The following CLNK variants were observed in gnomAD, a reference collection of about 807,000 sequenced individuals.
CLNK encodes the protein cytokine dependent hematopoietic cell linker.
A neutral mutation model predicts 68.6 loss-of-function variants in CLNK; 74 were observed. The observed-to-expected ratio is 1.08, with a 90% CI of 0.89 to 1.31. The LOEUF (loss-of-function observed/expected upper bound fraction) is 1.31, where lower values mean the gene tolerates loss of function less well. Ranked by LOEUF, CLNK falls within the 50% of genes most tolerant of loss-of-function variation. CLNK has a pLI of 0.00. For missense variants in CLNK, 553 were observed against 515.3 expected (o/e 1.07, Z -0.71); for synonymous variants, 198 against 172.2 (o/e 1.15, Z -1.17).
At chr4:10,520,719 T>A (rs1418384901) in intron 15 of CLNK, 72 bp downstream of exon 15, 4 of 1,180,662 alleles carry the variant, frequency 3.4e-6, no homozygotes, top group African/African-American at 3.0e-5. Context: ...TCACAACAGC[T>A]AAGTCACAGT....
the CLNK span, among the ~76,000 whole-genome samples, chr4:10,721,604 G>A: frequency 1.3e-5 from 2 of 152,214 alleles, no homozygotes; most frequent in Non-Finnish European, 2.9e-5. Flanking sequence ...TGCTGATGAA[G>A]TCAATTTGTC....
intron 8 of CLNK, among the ~76,000 whole-genome samples, chr4:10,549,062 A>G (rs539702005): frequency 2.6e-5 from 4 of 152,232 alleles, no homozygotes; most frequent in African/African-American, 9.6e-5. Flanking sequence ...ATAATGTAGG[A>G]TTATTTTTTC....
intron 2 of CLNK, among the ~76,000 whole-genome samples, chr4:10,666,056 G>T (rs935255646): frequency 6.6e-6 from 1 of 151,974 alleles, no homozygotes; most frequent in Non-Finnish European, 1.5e-5. Flanking sequence ...GAGAGGAGAA[G>T]GTCATGTGAA....
intron 1 of CLNK, among the ~76,000 whole-genome samples, chr4:10,677,985 G>T (rs1317216657): frequency 2.0e-5 from 3 of 152,126 alleles, no homozygotes; most frequent in African/African-American, 4.8e-5. Context: ...CTGTGCAAGA[G>T]ACTTCTTCTG....
the CLNK span, among the ~76,000 whole-genome samples, chr4:10,694,350 A>G: frequency 2.0e-5 from 3 of 151,964 alleles, no homozygotes; most frequent in East Asian, 5.8e-4. Context: ...GTGGCTGGGG[A>G]TGGGCTTAGA....
chr4:10,535,905 A>G (rs969761418), intron 11 of CLNK, among the ~76,000 whole-genome samples: 3 of 152,260 alleles, frequency 2.0e-5, no homozygotes, highest in African/African-American at 7.2e-5. Context: ...ATAATGGTAC[A>G]TAAGTGGCTG....
At chr4:10,657,294 A>G (rs1724025304) in intron 2 of CLNK, among the ~76,000 whole-genome samples, 1 of 152,202 alleles carries the variant, frequency 6.6e-6, no homozygotes, top group South Asian at 2.1e-4. Flanking sequence ...ATTAACCCAC[A>G]CTTCAGGATA....
chr4:10,511,093 G>A (rs1577096366), intron 16 of CLNK, among the ~76,000 whole-genome samples: 1 of 152,218 alleles, frequency 6.6e-6, no homozygotes, highest in East Asian at 1.9e-4. Context: ...GTGGGGCGGG[G>A]GTTGCAGTGA....
intron 2 of CLNK, among the ~76,000 whole-genome samples, chr4:10,626,323 C>T (rs564016340): frequency 1.3e-5 from 2 of 152,254 alleles, no homozygotes; most frequent in East Asian, 3.9e-4. Flanking sequence ...TTTTGTTTCT[C>T]ATTCATGCTC....
chr4:10,644,594 G>C (rs944367058), intron 2 of CLNK, among the ~76,000 whole-genome samples: 2 of 152,126 alleles, frequency 1.3e-5, no homozygotes, highest in African/African-American at 4.8e-5. Flanking sequence ...AACAGGGTGA[G>C]ACACATGAGG....
intron 7 of CLNK, among the ~76,000 whole-genome samples, chr4:10,562,101 CTTTTT>C (rs11345903): frequency 7.7e-6 from 1 of 129,286 alleles, no homozygotes; most frequent in Non-Finnish European, 1.6e-5. Flanking sequence ...TTTTTCTTTT[CTTTTT>C]TTTTTTTTTT....
rs78777098 is a variant in CLNK, at chr4:10,677,970, T to C, written c.-43+6698A>G. On this transcript the variant is annotated intron_variant, in intron 1 of 18. Transcript: ENST00000226951. Reference sequence around the variant, plus strand: ...GATTTTTCAGCATTGAACAATCCTGTCATTCTGTGCAAGAGACTTCTTCTG... The same window carrying C: ...GATTTTTCAGCATTGAACAATCCTGCCATTCTGTGCAAGAGACTTCTTCTG... Among the ~76,000 whole-genome samples the C allele has an allele frequency of 1.6e-3, 251 of 152,294 alleles. 1 individual carries two copies. Among genetic ancestry groups the C allele is most frequent in the African/African-American group, 5.7e-3 (238 of 41,564 alleles).
chr4:10,684,463 T>C (rs1347523413), intron 1 of CLNK, among the ~76,000 whole-genome samples: 8 of 152,240 alleles, frequency 5.3e-5, no homozygotes, highest in Non-Finnish European at 1.2e-4. Flanking sequence ...GTAGGTATCC[T>C]GATTCTTTCT....
intron 15 of CLNK, 112 bp downstream of exon 15, chr4:10,520,679 C>T (rs1718024652): frequency 2.7e-6 from 2 of 735,898 alleles, no homozygotes; most frequent in Non-Finnish European, 4.8e-6. Flanking sequence ...CTAATTACAT[C>T]TGTACACATC....
chr4:10,515,908 GA>G (rs1167200622), intron 15 of CLNK, among the ~76,000 whole-genome samples: 5 of 152,134 alleles, frequency 3.3e-5, no homozygotes, highest in African/African-American at 1.2e-4. Context: ...TACAGTAGCA[GA>G]ATATAAAAAG....
At chr4:10,699,508 A>ATTTT in the CLNK span, among the ~76,000 whole-genome samples, 9 of 19,760 alleles carry the variant, frequency 4.6e-4, no homozygotes, top group Non-Finnish European at 9.4e-4. Context: ...ATATATATAT[A>ATTTT]TATATTTTTT....
At chr4:10,523,723 A>G (rs952566928) in intron 14 of CLNK, among the ~76,000 whole-genome samples, 1 of 152,226 alleles carries the variant, frequency 6.6e-6, no homozygotes, top group African/African-American at 2.4e-5. Context: ...TTACTTTTAG[A>G]AAATTACATT....
chr4:10,510,985 T>C (rs1028810348), intron 16 of CLNK, among the ~76,000 whole-genome samples: 3 of 152,226 alleles, frequency 2.0e-5, no homozygotes, highest in Non-Finnish European at 4.4e-5. Flanking sequence ...AAACCCCGTC[T>C]GTACTGAAAA....
intron 2 of CLNK, among the ~76,000 whole-genome samples, chr4:10,611,688 G>C (rs924089491): frequency 6.6e-6 from 1 of 152,070 alleles, no homozygotes; most frequent in Non-Finnish European, 1.5e-5. Flanking sequence ...GTAGGGGAGG[G>C]AAATGAGAAG....
Sources: gnomAD v4.1 joint callset for allele counts (sites outside exome capture counted in the v4.1 genomes callset) on GRCh38, gnomAD v4.1.1 for gene constraint, MANE v1.5 for transcripts, NCBI Gene and HGNC (gene_info 2026-07-23, HGNC 2026-07-21) for gene names.